Variants in DAAM2 observed in about 807,000 individuals in gnomAD.
DAAM2 encodes the protein dishevelled associated activator of morphogenesis 2.
In DAAM2, 39 loss-of-function variants were observed where a neutral mutation model predicts 120.7. The observed-to-expected ratio is 0.32, with a 90% CI of 0.25 to 0.42. The LOEUF (loss-of-function observed/expected upper bound fraction) is 0.42, where lower values mean the gene tolerates loss of function less well. Among genes scored for constraint, DAAM2 ranks in the 10% least tolerant of loss-of-function variants. The pLI, the probability that DAAM2 is intolerant of heterozygous loss-of-function variation, is 1.00. For synonymous variants in DAAM2, 488 were observed against 524.9 expected (o/e 0.93, Z 0.96); for missense variants, 1,283 against 1,401.7 (o/e 0.92, Z 1.35).
At position 39,868,848 on chromosome 6, in the gene DAAM2, G is replaced by T; in HGVS notation, c.788G>T (p.Ser263Ile). 1 of 1,585,016 alleles carries T rather than the reference G, an allele frequency of 6.3e-7. No individual in the cohort carries two copies. Among genetic ancestry groups the T allele is most frequent in the Non-Finnish European group, 8.6e-7 (1 of 1,165,578 alleles). ...ACCCTGCTGAACGAGCTAGACCGAA[G>T]TCTGGGCCGGTACCGGGATGAAGTG... is the stretch of plus-strand genomic sequence containing the variant. ...FQTLLNELDR[S>I]LGRYRDEVNL... The change falls in exon 7 of 25, where the codon AGT (serine) becomes ATT (isoleucine). Residue 263 changes from serine to isoleucine, a missense_variant. Physicochemically the swap from Ser to Ile is moderately radical, Grantham distance 142. Around this residue, in one of 3 missense-constraint regions of DAAM2, gnomAD observed 338 missense variants for 443.9 expected, o/e 0.76. Transcript: ENST00000274867.
In DAAM2 at chr6:39,901,052, C is replaced by A. The variant is rs1479520944; in HGVS notation, c.2812-250C>A. The stretch of plus-strand genomic sequence containing the variant: ...TCTATACCCCTGACCTCATGCCTAC[C>A]CCTTACAGGCCCAGGGGTGGCTCTA... On this transcript the variant is annotated intron_variant, in intron 23 of 24. Transcript: ENST00000274867. This position sits in a 1 kb window ranked among gnomAD's most constrained non-coding sequence, Gnocchi z 4.5. 6.6e-6 allele frequency among the ~76,000 whole-genome samples: 1 copy of A among 152,108 alleles called. No individual in the cohort carries two copies. The highest frequency in any genetic ancestry group is 2.4e-5 in the African/African-American group (1 of 41,418).
intron 7 of DAAM2, 79 bp downstream of exon 7, chr6:39,869,012 C>T: frequency 1.8e-6 from 2 of 1,084,422 alleles, no homozygotes; most frequent in Non-Finnish European, 2.8e-6. Context: ...GTTGCTTCCC[C>T]AATAATTGTT....
intron 1 of DAAM2, among the ~76,000 whole-genome samples, chr6:39,828,993 C>A (rs565801448): frequency 6.6e-6 from 1 of 152,192 alleles, no homozygotes; most frequent in Non-Finnish European, 1.5e-5. Flanking sequence ...CAGGGGCTAA[C>A]GCATAGTAGG....
At chr6:39,804,066 T>C (rs969268844) in intron 1 of DAAM2, among the ~76,000 whole-genome samples, 1 of 152,160 alleles carries the variant, frequency 6.6e-6, no homozygotes, top group African/African-American at 2.4e-5. Flanking sequence ...GCTGTGTGGG[T>C]TATTTTTAAC....
chr6:39,888,818 C>T, intron 17 of DAAM2, 55 bp downstream of exon 17: 2 of 1,389,458 alleles, frequency 1.4e-6, no homozygotes, highest in Non-Finnish European at 1.0e-6. Context: ...AGCCACGCCC[C>T]TTCCCAACAG....
At chr6:39,888,171 T>C (rs1406927894) in intron 16 of DAAM2, 1 of 155,998 alleles carries the variant, frequency 6.4e-6, no homozygotes, top group Non-Finnish European at 1.4e-5. Flanking sequence ...GTGTGTGGCT[T>C]CTCCCTCTCC....
chr6:39,817,745 G>A (rs963631683), intron 1 of DAAM2, among the ~76,000 whole-genome samples: 2 of 152,170 alleles, frequency 1.3e-5, no homozygotes, highest in African/African-American at 4.8e-5. Context: ...CAGTCTAGGG[G>A]TAGAGTTCCC....
intron 10 of DAAM2, among the ~76,000 whole-genome samples, chr6:39,874,620 CT>C (rs1764795133): frequency 6.6e-6 from 1 of 152,144 alleles, no homozygotes; most frequent in African/African-American, 2.4e-5. Flanking sequence ...AACTTGTTGG[CT>C]TTTTATGATG....
intron 6 of DAAM2, 34 bp downstream of exon 6, chr6:39,867,877 G>A (rs1421895159): frequency 6.6e-7 from 1 of 1,521,084 alleles, no homozygotes; most frequent in African/African-American, 1.4e-5. Flanking sequence ...GATGCCAGCT[G>A]GGTGGGGCAG....
At chr6:39,829,768 A>G (rs965040137) in intron 1 of DAAM2, among the ~76,000 whole-genome samples, 1 of 152,052 alleles carries the variant, frequency 6.6e-6, no homozygotes, top group African/African-American at 2.4e-5. Context: ...CAGAGGGCTT[A>G]GTTTCTGGTA....
In DAAM2 at chr6:39,865,053, C is replaced by T; in HGVS notation, c.407C>T (p.Ala136Val). ...RNQVVEDLKT[A>V]LRTQPMRFVT... ...CAAGTCGTGGAAGACCTGAAGACAG[C>T]CCTCCGGACACAGCCTATGAGGTAA... The change falls in exon 5 of 25, where the codon GCC becomes GTC. Residue 136 changes from alanine to valine, a missense_variant. Physicochemically the swap from Ala to Val is moderately conservative, Grantham distance 64 (BLOSUM62 0). Coordinates refer to ENST00000274867, the MANE Select transcript of DAAM2 (RefSeq NM_001201427.2). The T allele has an allele frequency of 6.3e-7, 1 of 1,581,978 alleles. No individual in the cohort carries two copies. The highest frequency in any genetic ancestry group is 8.7e-7 in the Non-Finnish European group (1 of 1,155,434).
intron 1 of DAAM2, among the ~76,000 whole-genome samples, chr6:39,801,359 C>T (rs1054014829): frequency 6.6e-6 from 1 of 152,134 alleles, no homozygotes; most frequent in African/African-American, 2.4e-5. Flanking sequence ...TGTTCCCCAA[C>T]CCCATGCTAA....
chr6:39,885,536 AAAG>A (rs1282266626), intron 15 of DAAM2: 5 of 152,378 alleles, frequency 3.3e-5, no homozygotes, highest in South Asian at 2.1e-4. Flanking sequence ...GCCAGTCAGG[AAAG>A]AAGGTTATGG....
chr6:39,901,690 G>A lies in DAAM2; in HGVS notation c.2983-123G>A. 9.7e-7 allele frequency: 1 copy of A among 1,035,060 alleles called. No individual in the cohort carries two copies. The highest frequency in any genetic ancestry group is 1.7e-5 in the South Asian group (1 of 59,058). The allele number at this position is 1,035,060 out of a possible 1,614,324, so 64.1% of individuals were successfully genotyped here. A position where few individuals can be genotyped will look rare whatever the true frequency, so the allele number is the denominator to read the frequency against. On this transcript the variant is annotated intron_variant, in intron 24 of 24. Transcript: ENST00000274867. This position sits in a 1 kb window ranked among gnomAD's most constrained non-coding sequence, Gnocchi z 4.5. ...TGTATGTCCTAGGCAGGAAGAAAGT[G>A]GGGCCAACAGATACAGGCAGGCAGC...
rs1418283850 is a variant in DAAM2 at position 39,870,369 on chromosome 6, G to A, written c.903G>A (p.Arg301=). The A allele has an allele frequency of 6.3e-7, 1 of 1,583,000 alleles. No homozygotes were observed. The highest frequency in any genetic ancestry group is 8.6e-7 in the Non-Finnish European group (1 of 1,163,120). Residue 301 remains arginine (R), a synonymous_variant, in exon 8 of 25, where the codon CGG becomes CGA. Coordinates refer to ENST00000274867, the MANE Select transcript of DAAM2 (RefSeq NM_001201427.2). ...ATCTGGAGTTCCGCCTACATCTACG[G>A]TATGAATTCCTGATGCTGGGTATAC... The part of the protein sequence containing the change: ...EDNLEFRLHL[R]YEFLMLGIQP...
At chr6:39,850,298 C>G (rs1283973847) in intron 1 of DAAM2, among the ~76,000 whole-genome samples, 1 of 152,112 alleles carries the variant, frequency 6.6e-6, no homozygotes, top group African/African-American at 2.4e-5. Context: ...ATTTTCTCCT[C>G]TCTTTCAAGG....
Position 39,879,288 on chromosome 6 carries a change from T to TCCCCCCCCCCCCCC in DAAM2, c.1661_1662insCCCCCCCCCCCCCC (p.Pro559LeufsTer52). 6.9e-7 allele frequency: 1 copy of TCCCCCCCCCCCCCC among 1,451,756 alleles called. No individual in the cohort carries two copies. Among genetic ancestry groups the TCCCCCCCCCCCCCC allele is most frequent in the Non-Finnish European group, 9.5e-7 (1 of 1,057,270 alleles). 89.9% of individuals were successfully genotyped at this position (1,451,756 alleles called of 1,614,324 possible). A position where few individuals can be genotyped will look rare whatever the true frequency, so the allele number is the denominator to read the frequency against. On this transcript the variant is annotated frameshift_variant, in exon 14 of 25. Transcript: ENST00000274867. LOFTEE classifies it high-confidence loss of function. Reference sequence around the variant, plus strand: ...CTCCTCCTCTGCCCTTTGCCTGTTGTCCCCCTCCCCCACCACCACCCCTTC... The same window carrying TCCCCCCCCCCCCCC: ...CTCCTCCTCTGCCCTTTGCCTGTTGTCCCCCCCCCCCCCCCCCCCTCCCCCACCACCACCCCTTC...
chr6:39,872,887 G>A (rs1391252547), intron 9 of DAAM2, among the ~76,000 whole-genome samples: 20 of 152,126 alleles, frequency 1.3e-4, no homozygotes, highest in Admixed American at 1.2e-3. Context: ...TCTCCCCCTG[G>A]GGACATTTGC....
rs1426335420 is a variant in DAAM2 at position 39,856,259 on chromosome 6, A to C, written c.-44A>C. ...TCCTCTTGTCCAGATCACAATGAGG[A>C]CCTAGGGCATCTGTCTGCTGACGCC... On this transcript the variant is annotated 5_prime_UTR_variant, in exon 2 of 25. Coordinates refer to ENST00000274867, the MANE Select transcript of DAAM2 (RefSeq NM_001201427.2). The C allele has an allele frequency of 7.0e-7, 1 of 1,429,812 alleles. No individual in the cohort carries two copies. Among genetic ancestry groups the C allele is most frequent in the Admixed American group, 3.0e-5 (1 of 33,810 alleles). 88.6% of individuals were successfully genotyped at this position (1,429,812 alleles called of 1,614,324 possible). A position where few individuals can be genotyped will look rare whatever the true frequency, so the allele number is the denominator to read the frequency against.
Sources: allele counts gnomAD v4.1 joint callset (sites outside exome capture counted in the v4.1 genomes callset), GRCh38; gene constraint gnomAD v4.1.1; regional missense constraint gnomAD v4.1.1; non-coding constraint Gnocchi (gnomAD v3.1); transcripts MANE v1.5; gene names NCBI Gene and HGNC (gene_info 2026-07-23, HGNC 2026-07-21).